Variants in PDSS2 observed in about 807,000 individuals in gnomAD.
PDSS2 encodes decaprenyl diphosphate synthase subunit 2.
Under a neutral mutation model 44.5 loss-of-function variants are expected in PDSS2, and 31 were observed. The ratio of observed to expected loss-of-function variants is 0.70; its 90% confidence interval spans 0.52 to 0.94. The LOEUF (loss-of-function observed/expected upper bound fraction) is 0.94, where lower values mean the gene tolerates loss of function less well. Ranked by LOEUF, PDSS2 falls within the 40% of genes least tolerant of loss-of-function variation. The pLI is 0.00. For missense variants in PDSS2, 452 were observed against 482.2 expected, an observed-to-expected ratio of 0.94 and a Z score of 0.59; for synonymous variants, 157 against 180.3, an observed-to-expected ratio of 0.87 and a Z score of 1.03.
chr6:107,413,249 C>A (rs956915097), intron 1 of PDSS2, among the ~76,000 whole-genome samples: 7 of 152,120 alleles, frequency 4.6e-5, no homozygotes, highest in Admixed American at 3.9e-4. Flanking sequence ...CAATTAAGAA[C>A]ATGGTATGAG....
intron 2 of PDSS2, among the ~76,000 whole-genome samples, chr6:107,317,156 G>A (rs998796951): frequency 2.0e-5 from 3 of 152,116 alleles, no homozygotes; most frequent in Non-Finnish European, 4.4e-5. Flanking sequence ...ACGGCACCTC[G>A]CAGCAGTGTC....
rs1452265924 is a variant in PDSS2 at position 107,225,149 on chromosome 6, A to ATATATATT, written c.703-12868_703-12867insAATATATA. On this transcript the variant is annotated intron_variant, in intron 4 of 7. Transcript: ENST00000369037. ...TATATATATATTTTTATATATATAT[A>ATATATATT]TATATATATATATTTTTTTTTTTTT... Among the ~76,000 whole-genome samples the ATATATATT allele has an allele frequency of 3.1e-3, 173 of 55,314 alleles. 5 individuals carry two copies. The East Asian group carries it at 0.043, about 14-fold the overall frequency. The allele number at this position is 55,314 out of a possible 152,430, so 36.3% of individuals were successfully genotyped here. A position where few individuals can be genotyped will look rare whatever the true frequency, so the allele number is the denominator to read the frequency against.
intron 1 of PDSS2, among the ~76,000 whole-genome samples, chr6:107,426,620 G>A (rs926336426): frequency 5.9e-5 from 9 of 152,210 alleles, no homozygotes; most frequent in African/African-American, 2.2e-4. Flanking sequence ...GCCCATGAAA[G>A]CAGCCAAGAG....
intron 7 of PDSS2, among the ~76,000 whole-genome samples, chr6:107,160,901 G>T (rs1002329347): frequency 1.9e-4 from 29 of 151,570 alleles, no homozygotes; most frequent in Non-Finnish European, 4.1e-4. Flanking sequence ...ACCATGCCCA[G>T]CTAATTTTGT....
chr6:107,238,643 C>T (rs1459175000), intron 4 of PDSS2, among the ~76,000 whole-genome samples: 3 of 152,092 alleles, frequency 2.0e-5, no homozygotes, highest in South Asian at 2.1e-4. Flanking sequence ...GCATTTTCTG[C>T]CTAGCATGTA....
At chr6:107,242,337 C>T (rs943480742) in intron 4 of PDSS2, among the ~76,000 whole-genome samples, 2 of 150,576 alleles carry the variant, frequency 1.3e-5, no homozygotes, top group South Asian at 2.1e-4. Context: ...GATCTTGGCT[C>T]ACTGCAAGCT....
At chr6:107,389,272 T>C (rs565135191) in intron 1 of PDSS2, among the ~76,000 whole-genome samples, 64 of 152,168 alleles carry the variant, frequency 4.2e-4, no homozygotes, top group Non-Finnish European at 5.9e-4. Context: ...GGATGGAATG[T>C]AGACTGTGAA....
intron 1 of PDSS2, 85 bp downstream of exon 1, chr6:107,458,905 C>A (rs534081304): frequency 5.0e-6 from 6 of 1,201,316 alleles, no homozygotes; most frequent in African/African-American, 1.5e-5. Context: ...AGGAGCCAGT[C>A]TGAGAGAGCT....
intron 7 of PDSS2, among the ~76,000 whole-genome samples, chr6:107,166,633 G>A (rs1331936592): frequency 2.6e-5 from 4 of 152,084 alleles, no homozygotes; most frequent in Non-Finnish European, 4.4e-5. Flanking sequence ...CAAAGTGCTG[G>A]GATTATAGGC....
chr6:107,256,364 A>C (rs899498162), intron 3 of PDSS2, among the ~76,000 whole-genome samples: 2 of 152,160 alleles, frequency 1.3e-5, no homozygotes, highest in Admixed American at 1.3e-4. Flanking sequence ...AAGAGCTAAA[A>C]ATTTCAGTAA....
intron 1 of PDSS2, among the ~76,000 whole-genome samples, chr6:107,450,927 C>T (rs1377767990): frequency 6.6e-6 from 1 of 152,182 alleles, no homozygotes; most frequent in African/African-American, 2.4e-5. Flanking sequence ...AACTTCCGCG[C>T]TCAAGTGATC....
intron 1 of PDSS2, among the ~76,000 whole-genome samples, chr6:107,422,875 C>T (rs992585946): frequency 5.9e-5 from 9 of 152,006 alleles, no homozygotes; most frequent in Non-Finnish European, 1.0e-4. Context: ...TTAAATTAAA[C>T]AATACATACT....
intron 3 of PDSS2, 152 bp from the exon 4 acceptor site, chr6:107,245,771 T>C (rs1041721896): frequency 9.7e-6 from 5 of 514,444 alleles, no homozygotes; most frequent in African/African-American, 5.9e-5. Context: ...GCAAATGGCA[T>C]TGCCCACCTG....
At chr6:107,227,184 T>C (rs1042149105) in intron 4 of PDSS2, among the ~76,000 whole-genome samples, 1 of 151,770 alleles carries the variant, frequency 6.6e-6, no homozygotes, top group Non-Finnish European at 1.5e-5. Context: ...GGTTTTACCA[T>C]GTTGGCCAGG....
At chr6:107,322,814 C>A (rs1287121291) in intron 2 of PDSS2, among the ~76,000 whole-genome samples, 1 of 152,064 alleles carries the variant, frequency 6.6e-6, no homozygotes, top group Non-Finnish European at 1.5e-5. Flanking sequence ...CAGAGGGAGA[C>A]CCTGTCTCAA....
intron 7 of PDSS2, among the ~76,000 whole-genome samples, chr6:107,182,517 G>A (rs1271849531): frequency 2.0e-5 from 3 of 152,118 alleles, no homozygotes; most frequent in Non-Finnish European, 4.4e-5. Context: ...TAGAGACGGG[G>A]TTTTGCCATG....
chr6:107,317,390 G>A (rs1220899466), intron 2 of PDSS2, among the ~76,000 whole-genome samples: 2 of 152,198 alleles, frequency 1.3e-5, no homozygotes, highest in African/African-American at 2.4e-5. Flanking sequence ...GGCACAAAAT[G>A]GGAGGGGGCC....
chr6:107,291,620 C>T (rs929833931), intron 2 of PDSS2, among the ~76,000 whole-genome samples: 1 of 151,166 alleles, frequency 6.6e-6, no homozygotes. Context: ...CCCACCTTGG[C>T]CTTCCAGAGT....
intron 6 of PDSS2, among the ~76,000 whole-genome samples, chr6:107,197,177 C>T (rs976166346): frequency 1.4e-5 from 2 of 143,726 alleles, no homozygotes; most frequent in Non-Finnish European, 3.0e-5. Context: ...AGGAAGTGGT[C>T]GTGGGAGCCC....
Sources: gnomAD v4.1 joint callset for allele counts (sites outside exome capture counted in the v4.1 genomes callset) on GRCh38, gnomAD v4.1.1 for gene constraint, MANE v1.5 for transcripts, NCBI Gene and HGNC (gene_info 2026-07-23, HGNC 2026-07-21) for gene names.